The following SNTG2 variants were observed in gnomAD, a reference collection of about 807,000 sequenced individuals.
The protein encoded by SNTG2 is syntrophin gamma 2.
In SNTG2, 74 loss-of-function variants were observed where a neutral mutation model predicts 70.9. The observed-to-expected ratio is 1.04, with a 90% CI of 0.86 to 1.27. SNTG2 has a LOEUF of 1.27. SNTG2 is among the 50% of genes most tolerant of loss of function. The pLI, the probability that SNTG2 is intolerant of heterozygous loss-of-function variation, is 0.00. For missense variants in SNTG2, 717 were observed against 690.7 expected (o/e 1.04, Z -0.43); for synonymous variants, 278 against 273.8 (o/e 1.02, Z -0.15).
intron 1 of SNTG2, among the ~76,000 whole-genome samples, chr2:957,233 A>G (rs1398939031): frequency 6.6e-6 from 1 of 151,380 alleles, no homozygotes; most frequent in East Asian, 1.9e-4. Context: ...TTTATTCCTA[A>G]AACGATCATG....
chr2:1,291,615 T>C (rs1478464399), intron 14 of SNTG2, among the ~76,000 whole-genome samples: 1 of 152,232 alleles, frequency 6.6e-6, no homozygotes, highest in East Asian at 1.9e-4. Flanking sequence ...CCTTTCTCCA[T>C]TGAATGGTCT....
intron 12 of SNTG2, among the ~76,000 whole-genome samples, chr2:1,257,406 C>T (rs546563628): frequency 2.6e-5 from 4 of 152,148 alleles, no homozygotes; most frequent in East Asian, 1.9e-4. Flanking sequence ...GGGGGAGACA[C>T]GGCCACTGGC....
intron 9 of SNTG2, among the ~76,000 whole-genome samples, chr2:1,237,420 G>A (rs1012096178): frequency 6.6e-6 from 1 of 152,110 alleles, no homozygotes. Context: ...CAAGTGGAGT[G>A]TCATGGAGCA....
At chr2:1,283,091 C>T (rs986905098) in intron 14 of SNTG2, among the ~76,000 whole-genome samples, 1 of 152,146 alleles carries the variant, frequency 6.6e-6, no homozygotes, top group African/African-American at 2.4e-5. Flanking sequence ...ATTCCTTCTC[C>T]AGGGTTTGCA....
At chr2:1,209,759 A>T (rs1054659276) in intron 9 of SNTG2, among the ~76,000 whole-genome samples, 20 of 152,238 alleles carry the variant, frequency 1.3e-4, no homozygotes, top group Admixed American at 3.9e-4. Context: ...AGAAAAATGT[A>T]TGCTTGGCTA....
chr2:1,219,625 C>T (rs1016976231), intron 9 of SNTG2, among the ~76,000 whole-genome samples: 20 of 142,418 alleles, frequency 1.4e-4, no homozygotes, highest in Middle Eastern at 3.7e-3. Flanking sequence ...AGGCAGGCCT[C>T]AAATTGATTA....
chr2:1,077,704 C>T (rs1186589643), intron 1 of SNTG2, among the ~76,000 whole-genome samples: 3 of 152,230 alleles, frequency 2.0e-5, no homozygotes, highest in Non-Finnish European at 4.4e-5. Context: ...CACACACACA[C>T]TGATATTTCC....
intron 8 of SNTG2, among the ~76,000 whole-genome samples, chr2:1,183,399 G>A (rs1672046770): frequency 6.6e-6 from 1 of 152,138 alleles, no homozygotes; most frequent in Admixed American, 6.5e-5. Context: ...TATGATACGT[G>A]TATGTCCTTA....
At chr2:1,355,970 G>A (rs1415370993) in intron 16 of SNTG2, among the ~76,000 whole-genome samples, 1 of 152,156 alleles carries the variant, frequency 6.6e-6, no homozygotes, top group African/African-American at 2.4e-5. Flanking sequence ...CATGTTTGCT[G>A]GCCACTTGAA....
chr2:1,071,546 A>C (rs1663552996), intron 1 of SNTG2, among the ~76,000 whole-genome samples: 1 of 150,630 alleles, frequency 6.6e-6, no homozygotes, highest in Admixed American at 6.6e-5. Flanking sequence ...GATATACCTA[A>C]TGCTAGATGA....
At chr2:1,308,365 T>C in intron 14 of SNTG2, 129 bp from the exon 15 acceptor site, 1 of 784,650 alleles carries the variant, frequency 1.3e-6, no homozygotes. Context: ...TCCTGTTTTG[T>C]TCCCCGTAAC....
chr2:1,063,811 TG>T (rs1450883855), intron 1 of SNTG2, among the ~76,000 whole-genome samples: 3 of 152,158 alleles, frequency 2.0e-5, no homozygotes, highest in Admixed American at 6.5e-5. Context: ...TTCACATTTA[TG>T]GATAATAGCA....
rs1037959251 is a variant in SNTG2, at chr2:1,332,129, T to G, written c.1488+15754T>G. Among the ~76,000 whole-genome samples, 8 of 152,248 alleles carry G rather than the reference T, an allele frequency of 5.3e-5. No individual in the cohort carries two copies. The East Asian group carries it at 1.5e-3, about 29-fold the overall frequency. ...TGTGTCCTTCCTTTCTACATTCATTTGGTAAACATATGTCAAAAATTTACT... is the reference window on the plus strand; with the variant it reads ...TGTGTCCTTCCTTTCTACATTCATTGGGTAAACATATGTCAAAAATTTACT... On this transcript the variant is annotated intron_variant, in intron 16 of 16. Transcript: ENST00000308624.
intron 7 of SNTG2, among the ~76,000 whole-genome samples, chr2:1,171,962 T>C (rs1572638950): frequency 6.6e-6 from 1 of 152,204 alleles, no homozygotes; most frequent in East Asian, 1.9e-4. Context: ...TTTGCATATG[T>C]GGTGCCGATT....
intron 14 of SNTG2, among the ~76,000 whole-genome samples, chr2:1,279,054 C>CACCCCTCTGTCAGTGCGCGAATG (rs375251116): frequency 7.6e-6 from 1 of 132,136 alleles, no homozygotes; most frequent in African/African-American, 2.8e-5. Context: ...GTGCGCGATT[C>CACCCCTCTGTCAGTGCGCGAATG]ACCCCTCTGT....
At chr2:1,290,834 T>G (rs902417834) in intron 14 of SNTG2, among the ~76,000 whole-genome samples, 3 of 152,178 alleles carry the variant, frequency 2.0e-5, no homozygotes, top group Non-Finnish European at 2.9e-5. Context: ...TGTCTCTGCT[T>G]TCAGTTATTC....
intron 1 of SNTG2, among the ~76,000 whole-genome samples, chr2:1,063,555 T>C (rs1204599881): frequency 6.6e-6 from 1 of 152,162 alleles, no homozygotes; most frequent in African/African-American, 2.4e-5. Context: ...GTCAGAGTGC[T>C]CCTGAAGAGA....
chr2:1,111,833 A>G (rs58912037), intron 4 of SNTG2, among the ~76,000 whole-genome samples: 11 of 149,864 alleles, frequency 7.3e-5, no homozygotes, highest in South Asian at 2.1e-4. Context: ...GTCCTTTGAG[A>G]AGAATCGTGT....
intron 1 of SNTG2, among the ~76,000 whole-genome samples, chr2:1,027,974 AGGTGC>A: frequency 2.0e-5 from 3 of 150,974 alleles, no homozygotes; most frequent in South Asian, 2.1e-4. Context: ...AGAGATAAGC[AGGTGC>A]ATCATTGAAG....
Sources: allele counts gnomAD v4.1 joint callset (sites outside exome capture counted in the v4.1 genomes callset), GRCh38; gene constraint gnomAD v4.1.1; transcripts MANE v1.5; gene names NCBI Gene and HGNC (gene_info 2026-07-23, HGNC 2026-07-21).